GRIN2A: variants seen among roughly 807,000 people sequenced by gnomAD.
The protein encoded by GRIN2A is glutamate ionotropic receptor NMDA type subunit 2A.
GRIN2A carries 22 observed loss-of-function variants against 113.4 expected under a neutral mutation model. The ratio of observed to expected loss-of-function variants is 0.19; its 90% confidence interval spans 0.14 to 0.28. The LOEUF is 0.28. Among genes scored for constraint, GRIN2A ranks in the 10% least tolerant of loss-of-function variants. The pLI, the probability that GRIN2A is intolerant of heterozygous loss-of-function variation, is 1.00. For synonymous variants in GRIN2A, 827 were observed against 738.4 expected (o/e 1.12, Z -1.94); for missense variants, 1,502 against 1,887.0 (o/e 0.80, Z 3.78).
intron 2 of GRIN2A, among the ~76,000 whole-genome samples, chr16:10,093,458 A>G (rs185461147): frequency 8.5e-5 from 13 of 152,272 alleles, no homozygotes; most frequent in Non-Finnish European, 1.8e-4. Context: ...CTAAAAACAT[A>G]CAGTTAATCT....
chr16:9,989,011 G>T (rs2046044300), intron 2 of GRIN2A, among the ~76,000 whole-genome samples: 1 of 152,288 alleles, frequency 6.6e-6, no homozygotes, highest in African/African-American at 2.4e-5. Flanking sequence ...TACGTGACCT[G>T]ATAAGACTTT....
chr16:9,956,067 T>C (rs1385268067), intron 2 of GRIN2A, among the ~76,000 whole-genome samples: 1 of 152,166 alleles, frequency 6.6e-6, no homozygotes, highest in Non-Finnish European at 1.5e-5. Context: ...AAAACAATTC[T>C]CAGGGGCTTG....
At chr16:9,818,796 G>A (rs191020226) in intron 10 of GRIN2A, among the ~76,000 whole-genome samples, 28 of 152,288 alleles carry the variant, frequency 1.8e-4, no homozygotes, top group African/African-American at 2.6e-4. Flanking sequence ...CTCATGCACT[G>A]ATGGGGTAAG....
chr16:9,765,806 G>T (rs974759974), intron 12 of GRIN2A, among the ~76,000 whole-genome samples: 2 of 152,234 alleles, frequency 1.3e-5, no homozygotes, highest in African/African-American at 2.4e-5. Flanking sequence ...ACTAGTCACA[G>T]TGAAGAGTTC....
At chr16:10,108,162 T>A (rs1472697706) in intron 2 of GRIN2A, among the ~76,000 whole-genome samples, 4 of 152,184 alleles carry the variant, frequency 2.6e-5, no homozygotes, top group African/African-American at 7.2e-5. Flanking sequence ...AGAGGTTTAA[T>A]GGACTTACAG....
In GRIN2A at chr16:10,098,939, C is replaced by G. The variant is rs550485339; in HGVS notation, c.414+81059G>C. ...AAATACCTACTGTCCCCCCTCCCCC[C>G]CCCAAAAAAAACCTATGGAAATTTT... On this transcript the variant is annotated intron_variant, in intron 2 of 12. Transcript: ENST00000330684. Among the ~76,000 whole-genome samples the G allele has an allele frequency of 1.5e-4, 19 of 126,850 alleles. No individual in the cohort carries two copies. In the South Asian group the frequency reaches 2.4e-3, roughly 16 times the overall value. 83.2% of individuals were successfully genotyped at this position (126,850 alleles called of 152,430 possible). A position where few individuals can be genotyped will look rare whatever the true frequency, so the allele number is the denominator to read the frequency against.
At chr16:10,077,107 C>G (rs1360809544) in intron 2 of GRIN2A, among the ~76,000 whole-genome samples, 1 of 152,084 alleles carries the variant, frequency 6.6e-6, no homozygotes, top group East Asian at 1.9e-4. Context: ...AGGAAGCGAC[C>G]ACAAGCCAAA....
intron 2 of GRIN2A, among the ~76,000 whole-genome samples, chr16:9,951,063 G>C (rs2045168136): frequency 6.6e-6 from 1 of 152,068 alleles, no homozygotes; most frequent in African/African-American, 2.4e-5. Context: ...TAACCTGTGA[G>C]CTCCCTTTCC....
rs1295025191 is a variant in GRIN2A, at chr16:9,785,011, C to T, written c.2356+13266G>A. Among the ~76,000 whole-genome samples the T allele has an allele frequency of 7.2e-5, 11 of 152,278 alleles. No homozygotes were observed. In the South Asian group the frequency reaches 1.9e-3, roughly 26 times the overall value. ...TGGTGGGACTGTAAACTAGTTCAAC[C>T]ATTGTGGAAGTCAGTGTGGCGATTC... On this transcript the variant is annotated intron_variant, in intron 11 of 12. Coordinates refer to ENST00000330684, the MANE Select transcript of GRIN2A (RefSeq NM_001134407.3).
chr16:9,914,905 CTTTTTTTTTTTTTTTTTTTT>C lies in GRIN2A; in HGVS notation c.1007+23034_1007+23053del, dbSNP rs869182389. Among the ~76,000 whole-genome samples the C allele has an allele frequency of 4.8e-3, 162 of 33,456 alleles. 1 individual carries two copies. The highest frequency in any genetic ancestry group is 7.2e-3 in the Non-Finnish European group (124 of 17,106). The allele number at this position is 33,456 out of a possible 152,430, so 21.9% of individuals were successfully genotyped here. A position where few individuals can be genotyped will look rare whatever the true frequency, so the allele number is the denominator to read the frequency against. On this transcript the variant is annotated intron_variant, in intron 3 of 12. Transcript: ENST00000330684. The stretch of plus-strand genomic sequence containing the variant: ...TATTTACAGCCTATTGATTATGCAG[CTTTTTTTTTTTTTTTTTTTT>C]TTTTTTTTTTTTTTTTTTTTTTTTT...
chr16:9,852,960 A>C (rs1294435332), intron 4 of GRIN2A, among the ~76,000 whole-genome samples: 1 of 152,212 alleles, frequency 6.6e-6, no homozygotes, highest in Non-Finnish European at 1.5e-5. Flanking sequence ...TTTTTGTGCT[A>C]ATTGAGAAGA....
intron 2 of GRIN2A, among the ~76,000 whole-genome samples, chr16:10,051,165 G>C (rs1406255530): frequency 1.3e-5 from 2 of 152,172 alleles, no homozygotes; most frequent in Admixed American, 6.5e-5. Context: ...AACACTGTGT[G>C]CAACACTCAG....
At chr16:10,134,407 C>A (rs1191140685) in intron 2 of GRIN2A, among the ~76,000 whole-genome samples, 1 of 136,706 alleles carries the variant, frequency 7.3e-6, no homozygotes, top group Non-Finnish European at 1.5e-5. Context: ...GGGAGTATAT[C>A]ATAGGTGATA....
At chr16:9,859,367 A>C (rs1166326818) in intron 4 of GRIN2A, among the ~76,000 whole-genome samples, 1 of 152,158 alleles carries the variant, frequency 6.6e-6, no homozygotes, top group East Asian at 1.9e-4. Flanking sequence ...TGTCTGATAC[A>C]TAAGTGTCCA....
rs1421306768 is a variant in GRIN2A at position 9,760,116 on chromosome 16, C to A, written c.*3033G>T. The A allele has an allele frequency of 8.9e-6, 2 of 224,954 alleles. No homozygotes were observed. Among genetic ancestry groups the A allele is most frequent in the East Asian group, 1.3e-4 (2 of 15,540 alleles). The allele number at this position is 224,954 out of a possible 1,614,324, so 13.9% of individuals were successfully genotyped here. Reference sequence around the variant, plus strand: ...CAGCTGAAACTCAGGCATTTGTGTTCAGAAATTTGGGCTCCTTGACATCAA... The same window carrying A: ...CAGCTGAAACTCAGGCATTTGTGTTAAGAAATTTGGGCTCCTTGACATCAA... On this transcript the variant is annotated 3_prime_UTR_variant, in exon 13 of 13. Coordinates refer to ENST00000330684, the MANE Select transcript of GRIN2A (RefSeq NM_001134407.3).
intron 3 of GRIN2A, among the ~76,000 whole-genome samples, chr16:9,911,422 T>G (rs887636722): frequency 1.3e-5 from 2 of 152,246 alleles, no homozygotes; most frequent in Admixed American, 1.3e-4. Flanking sequence ...TAAATTTATA[T>G]GCTAACTCAG....
At chr16:10,017,315 A>G (rs1198768275) in intron 2 of GRIN2A, among the ~76,000 whole-genome samples, 2 of 151,976 alleles carry the variant, frequency 1.3e-5, no homozygotes, top group Non-Finnish European at 2.9e-5. Flanking sequence ...AAGTGCTACA[A>G]TGGCAGCATG....
intron 2 of GRIN2A, among the ~76,000 whole-genome samples, chr16:10,068,864 G>A (rs1482211286): frequency 6.6e-6 from 1 of 152,200 alleles, no homozygotes; most frequent in Non-Finnish European, 1.5e-5. Flanking sequence ...TTTGGGGATT[G>A]GTGCTGGTTC....
intron 4 of GRIN2A, among the ~76,000 whole-genome samples, chr16:9,868,006 T>C (rs1403850133): frequency 6.6e-6 from 1 of 152,180 alleles, no homozygotes; most frequent in East Asian, 1.9e-4. Context: ...CCATCTGCCA[T>C]ATAGGAGTTC....
Sources: allele counts gnomAD v4.1 joint callset (sites outside exome capture counted in the v4.1 genomes callset), GRCh38; gene constraint gnomAD v4.1.1; transcripts MANE v1.5; gene names NCBI Gene and HGNC (gene_info 2026-07-23, HGNC 2026-07-21).